FHAD1: variants seen among roughly 807,000 people sequenced by gnomAD.
FHAD1 encodes the protein forkhead associated phosphopeptide binding domain 1.
A neutral mutation model predicts 191.3 loss-of-function variants in FHAD1; 146 were observed. The observed-to-expected ratio is 0.76, with a 90% CI of 0.67 to 0.88. The LOEUF is 0.88. Among genes scored for constraint, FHAD1 ranks in the 40% least tolerant of loss-of-function variants. The pLI is 0.00. For synonymous variants in FHAD1, 616 were observed against 672.3 expected, an observed-to-expected ratio of 0.92 and a Z score of 1.29; for missense variants, 1,635 against 1,785.8, an observed-to-expected ratio of 0.92 and a Z score of 1.52.
At chr1:15,369,723 G>A (rs770104341) in intron 26 of FHAD1, among the ~76,000 whole-genome samples, 5 of 152,138 alleles carry the variant, frequency 3.3e-5, no homozygotes, top group African/African-American at 9.7e-5. Flanking sequence ...TCTTTCCCTC[G>A]GAGAGGCCTC....
chr1:15,268,145 CT>C (rs1654364668), intron 2 of FHAD1, among the ~76,000 whole-genome samples: 1 of 117,876 alleles, frequency 8.5e-6, no homozygotes, highest in Admixed American at 1.0e-4. Flanking sequence ...TCCCTTCCCC[CT>C]CCCCCCACCC....
intron 14 of FHAD1, among the ~76,000 whole-genome samples, chr1:15,331,308 G>A (rs981002766): frequency 2.6e-5 from 4 of 151,818 alleles, no homozygotes; most frequent in African/African-American, 4.8e-5. Flanking sequence ...GCCACACAGC[G>A]GGGGCCTAAT....
intron 15 of FHAD1, among the ~76,000 whole-genome samples, chr1:15,341,271 C>G (rs1464129885): frequency 6.6e-6 from 1 of 152,176 alleles, no homozygotes; most frequent in African/African-American, 2.4e-5. Context: ...TTTGTCAACC[C>G]CTGGTCTAGT....
chr1:15,236,784 T>G (rs1008340037), intron 1 of FHAD1, among the ~76,000 whole-genome samples: 11 of 152,240 alleles, frequency 7.2e-5, no homozygotes, highest in African/African-American at 2.7e-4. Flanking sequence ...TTTGCTTTCA[T>G]GCTGAAGCTA....
At chr1:15,293,523 G>C (rs113062067) in intron 4 of FHAD1, among the ~76,000 whole-genome samples, 4 of 152,070 alleles carry the variant, frequency 2.6e-5, no homozygotes, top group Non-Finnish European at 4.4e-5. Context: ...TCTGAGACCA[G>C]CCTGACTAAC....
At chr1:15,366,682 C>A (rs1696584051) in intron 24 of FHAD1, among the ~76,000 whole-genome samples, 1 of 152,218 alleles carries the variant, frequency 6.6e-6, no homozygotes, top group South Asian at 2.1e-4. Context: ...GTAGAGACAA[C>A]ACACCTTCTT....
At chr1:15,401,683 A>AT (rs1362476410), downstream of FHAD1, among the ~76,000 whole-genome samples, 1 of 152,108 alleles carries the variant, frequency 6.6e-6, no homozygotes, top group Admixed American at 6.6e-5. Flanking sequence ...GTGGTTTCCA[A>AT]TTTTTTAGGG....
Position 15,315,204 on chromosome 1 carries a change from G to T in FHAD1, c.1171-1174G>T, listed in dbSNP as rs542973181. 4.6e-5 allele frequency: 7 copies of T among 152,184 alleles called. No homozygotes were observed. In the South Asian group the frequency reaches 1.2e-3, roughly 27 times the overall value. The allele number at this position is 152,184 out of a possible 1,614,324, so 9.4% of individuals were successfully genotyped here. Reference sequence around the variant, plus strand: ...AATAAAAAGTAGATAAAACTGGAGAGCAAAATTAAAGAGAGAAGAGAAATG... The same window carrying T: ...AATAAAAAGTAGATAAAACTGGAGATCAAAATTAAAGAGAGAAGAGAAATG... On this transcript the variant is annotated intron_variant, in intron 8 of 33. Transcript: ENST00000688493.
At chr1:15,337,075 G>T (rs1284747930) in intron 14 of FHAD1, among the ~76,000 whole-genome samples, 3 of 152,246 alleles carry the variant, frequency 2.0e-5, no homozygotes, top group Admixed American at 2.0e-4. Flanking sequence ...GGAAAGTGGT[G>T]CAGGGAGTCC....
chr1:15,301,728 G>A (rs923663966), intron 6 of FHAD1, among the ~76,000 whole-genome samples: 1 of 152,188 alleles, frequency 6.6e-6, no homozygotes, highest in Non-Finnish European at 1.5e-5. Context: ...TACAGATGAA[G>A]GGTCTAAGGC....
rs563354560 is a variant in FHAD1 at position 15,252,164 on chromosome 1, G to C, written c.93+287G>C. On this transcript the variant is annotated intron_variant, in intron 2 of 33. Coordinates refer to ENST00000688493, the MANE Select transcript of FHAD1 (RefSeq NM_001391957.1). ...CAGAGCAGATGAGCCCCAAAGTAGGGCTTATCCCGAGAGGGTTCTTGGCTT... is the reference window on the plus strand; with the variant it reads ...CAGAGCAGATGAGCCCCAAAGTAGGCCTTATCCCGAGAGGGTTCTTGGCTT... 3.3e-5 allele frequency among the ~76,000 whole-genome samples: 5 copies of C among 152,312 alleles called. No individual in the cohort carries two copies. The South Asian group carries it at 1.0e-3, about 32-fold the overall frequency.
chr1:15,380,754 G>A lies in FHAD1; in HGVS notation c.3759G>A (p.Gly1253=). 1 of 1,551,776 alleles carries A rather than the reference G, an allele frequency of 6.4e-7. No individual in the cohort carries two copies. The highest frequency in any genetic ancestry group is 8.7e-7 in the Non-Finnish European group (1 of 1,147,012). The change falls in exon 29 of 34, where the codon GGG becomes GGA. Residue 1253 remains glycine, a synonymous_variant. Transcript: ENST00000688493. ...ARFGSAMEKS[G]KMDVAEALEL... ...TCGGCTCAGCCATGGAGAAGTCAGG[G>A]AAGATGGATGTGGCTGAGGCTTTAG... is the stretch of plus-strand genomic sequence containing the variant.
In FHAD1 at chr1:15,316,494, T is replaced by C; in HGVS notation, c.1260+27T>C. 6.5e-7 allele frequency: 1 copy of C among 1,543,260 alleles called. No homozygotes were observed. The highest frequency in any genetic ancestry group is 8.8e-7 in the Non-Finnish European group (1 of 1,140,174). On this transcript the variant is annotated intron_variant, in intron 9 of 33. Coordinates refer to ENST00000688493, the MANE Select transcript of FHAD1 (RefSeq NM_001391957.1). This position sits in a 1 kb window ranked among gnomAD's most constrained non-coding sequence, Gnocchi z 4.3. ...TGAGTTGAGCTTCCTCCTTTGTAGG[T>C]ACCACCAGAAAAAACAGAGTTTGAC...
Position 15,329,124 on chromosome 1 carries a change from G to A in FHAD1, c.1711-222G>A. ...CTCTGGGGTTTCATAGACCTAAAAG[G>A]GGGTTCGCTTTGACCATCAAAAGTC... is the stretch of plus-strand genomic sequence containing the variant. On this transcript the variant is annotated intron_variant, in intron 13 of 33. Transcript: ENST00000688493. The surrounding 1 kb of genome is among the most constrained non-coding windows in gnomAD (Gnocchi z 5.0). 2.4e-6 allele frequency: 1 copy of A among 409,788 alleles called. No homozygotes were observed. The highest frequency in any genetic ancestry group is 4.4e-6 in the Non-Finnish European group (1 of 227,842). 25.4% of individuals were successfully genotyped at this position (409,788 alleles called of 1,614,324 possible). A position where few individuals can be genotyped will look rare whatever the true frequency, so the allele number is the denominator to read the frequency against.
At chr1:15,314,255 G>A (rs935283133) in intron 8 of FHAD1, among the ~76,000 whole-genome samples, 3 of 152,112 alleles carry the variant, frequency 2.0e-5, no homozygotes, top group Non-Finnish European at 4.4e-5. Context: ...AAGTCTGCAT[G>A]GGCACCCAGG....
upstream of FHAD1, among the ~76,000 whole-genome samples, chr1:15,246,985 A>G (rs996315541): frequency 1.3e-5 from 2 of 152,174 alleles, no homozygotes; most frequent in Non-Finnish European, 2.9e-5. Flanking sequence ...AGTGAGGGGT[A>G]ATGGAAAGGA....
In FHAD1 at chr1:15,381,562, G is replaced by A. The variant is rs867357486; in HGVS notation, c.4022+111G>A. ...CTGGGACAGGAGGACAGAGACCCAC[G>A]TGTGGAATACCTGCAATGTCAGAAG... On this transcript the variant is annotated intron_variant, in intron 30 of 33. Coordinates refer to ENST00000688493, the MANE Select transcript of FHAD1 (RefSeq NM_001391957.1). The surrounding 1 kb of genome is among the most constrained non-coding windows in gnomAD (Gnocchi z 4.6). 8.9e-6 allele frequency: 7 copies of A among 782,182 alleles called. No homozygotes were observed. Among genetic ancestry groups the A allele is most frequent in the Admixed American group, 2.5e-5 (1 of 39,474 alleles). 48.5% of individuals were successfully genotyped at this position (782,182 alleles called of 1,614,324 possible).
chr1:15,290,810 G>A (rs966248386), intron 4 of FHAD1, among the ~76,000 whole-genome samples: 4 of 151,886 alleles, frequency 2.6e-5, no homozygotes, highest in South Asian at 4.2e-4. Context: ...CTGGGTTCAC[G>A]CCATTCTCCT....
Position 15,289,224 on chromosome 1 carries a change from G to C in FHAD1, c.301-175G>C, listed in dbSNP as rs369284322. Among the ~76,000 whole-genome samples, 2 of 152,170 alleles carry C rather than the reference G, an allele frequency of 1.3e-5. No individual in the cohort carries two copies. Among genetic ancestry groups the C allele is most frequent in the African/African-American group, 4.8e-5 (2 of 41,452 alleles). ...GTCTTGAACTCCTGAACTCAAGCTA[G>C]CTAGCCTCCCACTTTGGCCTCCCAA... On this transcript the variant is annotated intron_variant, in intron 3 of 33. Transcript: ENST00000688493. This position sits in a 1 kb window ranked among gnomAD's most constrained non-coding sequence, Gnocchi z 4.2.
Sources: gnomAD v4.1 joint callset for allele counts (sites outside exome capture counted in the v4.1 genomes callset) on GRCh38, gnomAD v4.1.1 for gene constraint, Gnocchi (gnomAD v3.1) non-coding constraint, MANE v1.5 for transcripts, NCBI Gene and HGNC (gene_info 2026-07-23, HGNC 2026-07-21) for gene names.